COBL: variants seen among roughly 807,000 people sequenced by gnomAD.
COBL encodes cordon-bleu WH2 repeat protein.
A neutral mutation model predicts 98.8 loss-of-function variants in COBL; 51 were observed. That is an observed-to-expected ratio of 0.52 (90% CI 0.41 to 0.65). COBL has a LOEUF of 0.65. Among genes scored for constraint, COBL ranks in the 30% least tolerant of loss-of-function variants. The pLI, the probability that COBL is intolerant of heterozygous loss-of-function variation, is 0.00. For synonymous variants in COBL, 634 were observed against 651.7 expected (o/e 0.97, Z 0.41); for missense variants, 1,617 against 1,617.5 (o/e 1.00, Z 0.01).
chr7:51,212,841 G>T (rs1792589025), intron 2 of COBL, among the ~76,000 whole-genome samples: 1 of 152,194 alleles, frequency 6.6e-6, no homozygotes, highest in African/African-American at 2.4e-5. Context: ...GGGAAGGGCT[G>T]GGAATTTGCA....
rs940054257 is a variant in COBL, at chr7:51,272,886, T to C, written c.41+43707A>G. Among the ~76,000 whole-genome samples, 8 of 152,112 alleles carry C rather than the reference T, an allele frequency of 5.3e-5. No homozygotes were observed. The South Asian group carries it at 8.3e-4, about 16-fold the overall frequency. On this transcript the variant is annotated intron_variant, in intron 1 of 12. Coordinates refer to ENST00000265136, the MANE Select transcript of COBL (RefSeq NM_015198.5). ...TCTGCAGGTAAAGACAACTTAATAC[T>C]ACACAAGTCCAGTCATTTCTCCCCC...
chr7:51,189,728 T>C lies in COBL; in HGVS notation c.685+1122A>G, dbSNP rs184165438. On this transcript the variant is annotated intron_variant, in intron 4 of 12. Transcript: ENST00000265136. ...CAGGAAAAACTTGAATATGTATATA[T>C]TTTTTAAACTCAACCTATTCAATAT... is the stretch of plus-strand genomic sequence containing the variant. Among the ~76,000 whole-genome samples the C allele has an allele frequency of 1.2e-3, 185 of 152,308 alleles. 1 individual carries two copies. Among genetic ancestry groups the C allele is most frequent in the Non-Finnish European group, 3.7e-4 (25 of 68,030 alleles).
chr7:51,043,755 A>T, intron 7 of COBL, 63 bp from the exon 8 acceptor site: 1 of 1,426,582 alleles, frequency 7.0e-7, no homozygotes, highest in African/African-American at 1.4e-5. Flanking sequence ...CTGCCTAACA[A>T]GTGTGACATC....
At chr7:51,063,637 C>G (rs1791607825) in intron 7 of COBL, among the ~76,000 whole-genome samples, 1 of 152,212 alleles carries the variant, frequency 6.6e-6, no homozygotes, top group Admixed American at 6.5e-5. Context: ...CCTGAGGAAA[C>G]CTGGTGCCTA....
chr7:51,259,233 G>A (rs866504981), intron 1 of COBL, among the ~76,000 whole-genome samples: 12 of 146,134 alleles, frequency 8.2e-5, no homozygotes, highest in Non-Finnish European at 1.8e-4. Flanking sequence ...GTTGCAGTGA[G>A]CCGAGATCAC....
At chr7:51,302,125 C>CTGGT (rs1802029500) in intron 1 of COBL, among the ~76,000 whole-genome samples, 1 of 152,158 alleles carries the variant, frequency 6.6e-6, no homozygotes, top group Admixed American at 6.5e-5. Flanking sequence ...GTGAAGACTG[C>CTGGT]TGGGCTAACA....
intron 8 of COBL, among the ~76,000 whole-genome samples, chr7:51,037,444 T>C (rs1788753464): frequency 6.6e-6 from 1 of 152,206 alleles, no homozygotes. Context: ...TCTTCAATCT[T>C]CAGATTAAGT....
intron 6 of COBL, among the ~76,000 whole-genome samples, chr7:51,114,269 A>G (rs1355863496): frequency 1.3e-5 from 2 of 151,986 alleles, no homozygotes; most frequent in Non-Finnish European, 2.9e-5. Context: ...CCACCCATCA[A>G]AGGCAAATCA....
At chr7:51,038,556 G>A (rs903741877) in intron 8 of COBL, among the ~76,000 whole-genome samples, 7 of 152,200 alleles carry the variant, frequency 4.6e-5, no homozygotes, top group Non-Finnish European at 8.8e-5. Flanking sequence ...AACATAGCGA[G>A]GTAGACCTTA....
chr7:51,298,952 C>T (rs1477316779), intron 1 of COBL, among the ~76,000 whole-genome samples: 1 of 152,238 alleles, frequency 6.6e-6, no homozygotes, highest in East Asian at 1.9e-4. Flanking sequence ...CCAAGATACT[C>T]TCCACTCAGA....
chr7:51,297,855 C>T (rs1045193535), intron 1 of COBL, among the ~76,000 whole-genome samples: 1 of 152,172 alleles, frequency 6.6e-6, no homozygotes, highest in African/African-American at 2.4e-5. Flanking sequence ...GTTTTTAATG[C>T]GTCTTCACTA....
chr7:51,026,681 T>C lies in COBL; in HGVS notation c.3385-16A>G, dbSNP rs1787603972. On this transcript the variant is annotated splice_polypyrimidine_tract_variant and intron_variant, in intron 10 of 12. Coordinates refer to ENST00000265136, the MANE Select transcript of COBL (RefSeq NM_015198.5). ...GTTCTGCCGTCTAGAATATTAACAG[T>C]GTCACACATTTCACTGAGAACATGG... 1.2e-6 allele frequency: 2 copies of C among 1,609,732 alleles called. No individual in the cohort carries two copies. Among genetic ancestry groups the C allele is most frequent in the Admixed American group, 1.7e-5 (1 of 59,794 alleles).
chr7:51,212,687 C>T (rs952048885), intron 2 of COBL, among the ~76,000 whole-genome samples: 1 of 152,206 alleles, frequency 6.6e-6, no homozygotes, highest in Non-Finnish European at 1.5e-5. Context: ...GGACTGCGTA[C>T]TCATCGAGTA....
chr7:51,294,004 C>T (rs1801157035), intron 1 of COBL, among the ~76,000 whole-genome samples: 1 of 152,130 alleles, frequency 6.6e-6, no homozygotes, highest in African/African-American at 2.4e-5. Flanking sequence ...TCAAGAACTA[C>T]CTTAGGCTGG....
At chr7:51,185,901 A>G (rs1485141039) in intron 4 of COBL, among the ~76,000 whole-genome samples, 4 of 152,214 alleles carry the variant, frequency 2.6e-5, no homozygotes, top group Non-Finnish European at 5.9e-5. Flanking sequence ...TCCTGATATC[A>G]CGCTGTAGGA....
At chr7:51,197,383 G>A (rs531923414) in intron 2 of COBL, among the ~76,000 whole-genome samples, 3 of 152,018 alleles carry the variant, frequency 2.0e-5, no homozygotes, top group Non-Finnish European at 4.4e-5. Flanking sequence ...TGGTCTGAGA[G>A]ATTGGTTGTT....
chr7:51,291,616 C>T (rs903529397), intron 1 of COBL, among the ~76,000 whole-genome samples: 1 of 151,926 alleles, frequency 6.6e-6, no homozygotes. Flanking sequence ...CAAAAATTAG[C>T]TGGGTGTGGT....
intron 5 of COBL, among the ~76,000 whole-genome samples, chr7:51,138,624 A>G (rs957449511): frequency 4.6e-5 from 7 of 152,212 alleles, no homozygotes; most frequent in African/African-American, 1.7e-4. Context: ...TTCCTCATCC[A>G]TAACGTCTGC....
chr7:51,094,811 T>C (rs1224548614), intron 6 of COBL, among the ~76,000 whole-genome samples: 2 of 152,260 alleles, frequency 1.3e-5, no homozygotes, highest in Middle Eastern at 3.4e-3. Flanking sequence ...AATATAAGTA[T>C]AAAACTGTGA....
Sources: gnomAD v4.1 joint callset for allele counts (sites outside exome capture counted in the v4.1 genomes callset) on GRCh38, gnomAD v4.1.1 for gene constraint, MANE v1.5 for transcripts, NCBI Gene and HGNC (gene_info 2026-07-23, HGNC 2026-07-21) for gene names.